Variants in SEZ6L observed in about 807,000 individuals in gnomAD.
SEZ6L encodes seizure 6-like protein.
A neutral mutation model predicts 106.2 loss-of-function variants in SEZ6L; 37 were observed. The observed-to-expected ratio is 0.35, with a 90% CI of 0.27 to 0.46. SEZ6L has a LOEUF of 0.46. Among genes scored for constraint, SEZ6L ranks in the 20% least tolerant of loss-of-function variants. SEZ6L has a pLI of 1.00. For synonymous variants in SEZ6L, 541 were observed against 570.4 expected, an observed-to-expected ratio of 0.95 and a Z score of 0.73; for missense variants, 1,172 against 1,332.8, an observed-to-expected ratio of 0.88 and a Z score of 1.88.
chr22:26,230,622 G>T (rs979220452), intron 1 of SEZ6L, among the ~76,000 whole-genome samples: 1 of 152,194 alleles, frequency 6.6e-6, no homozygotes, highest in Non-Finnish European at 1.5e-5. Context: ...AATCCTTCAG[G>T]GAAACAGACT....
intron 1 of SEZ6L, among the ~76,000 whole-genome samples, chr22:26,177,138 A>G (rs1165897421): frequency 6.6e-6 from 1 of 152,142 alleles, no homozygotes; most frequent in Non-Finnish European, 1.5e-5. Flanking sequence ...TCTGAATTTA[A>G]TTCCTGACTC....
At chr22:26,340,828 A>G (rs1164958283) in intron 10 of SEZ6L, among the ~76,000 whole-genome samples, 196 bp downstream of exon 10, 2 of 152,118 alleles carry the variant, frequency 1.3e-5, no homozygotes, top group African/African-American at 2.4e-5. Context: ...ACGGTCATCG[A>G]TGTCTGTGTG....
chr22:26,253,480 C>T (rs4820672), intron 1 of SEZ6L, among the ~76,000 whole-genome samples: 40,438 of 152,114 alleles, frequency 0.27, 5,741 homozygotes, highest in Admixed American at 0.32. Context: ...CACCTATTTG[C>T]ATTAAAAGTC....
chr22:26,364,662 G>A (rs537578662), intron 12 of SEZ6L: 35 of 152,484 alleles, frequency 2.3e-4, no homozygotes, highest in African/African-American at 7.9e-4. Flanking sequence ...GAGGCCTTTT[G>A]TTGCCAGGCT....
rs189339929 is a variant in SEZ6L, at chr22:26,364,373, C to G, written c.2600-999C>G. 3.1e-3 allele frequency among the ~76,000 whole-genome samples: 458 copies of G among 149,396 alleles called. 1 individual carries two copies. Among genetic ancestry groups the G allele is most frequent in the Non-Finnish European group, 5.5e-3 (373 of 67,760 alleles). On this transcript the variant is annotated intron_variant, in intron 12 of 16. Transcript: ENST00000248933. ...GGCTGTGGCAGGAGAATTGCTTGAG[C>G]CCAGGAGTTTGAGACCAGCTTGGGA...
Position 26,375,569 on chromosome 22 carries a change from G to A in SEZ6L, c.2828-6G>A, listed in dbSNP as rs1240292084. 6.2e-7 allele frequency: 1 copy of A among 1,605,946 alleles called. No individual in the cohort carries two copies. Among genetic ancestry groups the A allele is most frequent in the East Asian group, 2.2e-5 (1 of 44,828 alleles). ...AAATGAGGACCTCACTGGCTCCTGTGTTCAGTAGCAGAAGCGGCAGCAGAG... is the reference window on the plus strand; with the variant it reads ...AAATGAGGACCTCACTGGCTCCTGTATTCAGTAGCAGAAGCGGCAGCAGAG... On this transcript the variant is annotated splice_region_variant and splice_polypyrimidine_tract_variant and intron_variant, in intron 14 of 16. Coordinates refer to ENST00000248933, the MANE Select transcript of SEZ6L (RefSeq NM_021115.5).
chr22:26,263,962 C>A (rs2080097907), intron 1 of SEZ6L, among the ~76,000 whole-genome samples: 1 of 152,232 alleles, frequency 6.6e-6, no homozygotes, highest in South Asian at 2.1e-4. Flanking sequence ...TCTCAAAGCT[C>A]CAGCCAGAAA....
intron 1 of SEZ6L, among the ~76,000 whole-genome samples, chr22:26,213,746 C>A (rs1365434727): frequency 2.0e-5 from 3 of 152,154 alleles, no homozygotes; most frequent in Admixed American, 6.5e-5. Flanking sequence ...CTAAGCAAGA[C>A]CCTGTCTTTA....
chr22:26,378,225 G>A (rs762865322), intron 16 of SEZ6L, among the ~76,000 whole-genome samples: 13 of 152,152 alleles, frequency 8.5e-5, no homozygotes, highest in East Asian at 1.9e-4. Context: ...TGAGCCTACC[G>A]TCTTGTGAAT....
At chr22:26,316,366 G>A (rs2081996784) in intron 9 of SEZ6L, among the ~76,000 whole-genome samples, 1 of 152,186 alleles carries the variant, frequency 6.6e-6, no homozygotes, top group Non-Finnish European at 1.5e-5. Context: ...GAAAAACAGG[G>A]CAGTCCTCAC....
At chr22:26,205,450 T>C (rs925270350) in intron 1 of SEZ6L, among the ~76,000 whole-genome samples, 2 of 152,236 alleles carry the variant, frequency 1.3e-5, no homozygotes, top group Non-Finnish European at 2.9e-5. Flanking sequence ...TTACCTTAAT[T>C]GCTTATCTCA....
chr22:26,346,036 C>G (rs531511805), intron 10 of SEZ6L, among the ~76,000 whole-genome samples: 5 of 139,194 alleles, frequency 3.6e-5, no homozygotes, highest in African/African-American at 8.2e-5. Flanking sequence ...TTTTTTTTTT[C>G]TTTTCTTTTG....
At chr22:26,293,604 G>A (rs2081208920) in intron 2 of SEZ6L, among the ~76,000 whole-genome samples, 1 of 152,180 alleles carries the variant, frequency 6.6e-6, no homozygotes, top group African/African-American at 2.4e-5. Flanking sequence ...TGGGATTACA[G>A]GCATGAGCCA....
At chr22:26,213,377 G>A (rs1466592676) in intron 1 of SEZ6L, among the ~76,000 whole-genome samples, 1 of 152,204 alleles carries the variant, frequency 6.6e-6, no homozygotes, top group Admixed American at 6.5e-5. Flanking sequence ...TTCGCTTTCC[G>A]ACGTGCAGAG....
At chr22:26,239,304 A>G (rs1030570478) in intron 1 of SEZ6L, among the ~76,000 whole-genome samples, 1 of 152,148 alleles carries the variant, frequency 6.6e-6, no homozygotes, top group African/African-American at 2.4e-5. Context: ...CCCTATCCCC[A>G]GCACACACCT....
intron 13 of SEZ6L, among the ~76,000 whole-genome samples, chr22:26,366,198 G>C (rs191063897): frequency 9.2e-5 from 14 of 152,194 alleles, no homozygotes; most frequent in Non-Finnish European, 5.9e-5. Context: ...GCTGGGCGTA[G>C]CGGTGCATGC....
At chr22:26,303,655 T>C (rs1352095246) in intron 5 of SEZ6L, among the ~76,000 whole-genome samples, 2 of 152,244 alleles carry the variant, frequency 1.3e-5, no homozygotes, top group African/African-American at 4.8e-5. Flanking sequence ...TAATCGTGGT[T>C]ATTCAGTAAA....
intron 1 of SEZ6L, among the ~76,000 whole-genome samples, chr22:26,231,946 G>C (rs1341563791): frequency 6.6e-6 from 1 of 152,180 alleles, no homozygotes; most frequent in East Asian, 1.9e-4. Context: ...GGACATGCAA[G>C]TGGAGGGGAA....
At chr22:26,340,721 C>A in intron 10 of SEZ6L, 89 bp downstream of exon 10, 2 of 1,074,976 alleles carry the variant, frequency 1.9e-6, no homozygotes, top group Non-Finnish European at 2.7e-6. Context: ...CAGTTTTGTA[C>A]TACAGCGATT....
Sources: gnomAD v4.1 joint callset for allele counts (sites outside exome capture counted in the v4.1 genomes callset) on GRCh38, gnomAD v4.1.1 for gene constraint, MANE v1.5 for transcripts, NCBI Gene and HGNC (gene_info 2026-07-23, HGNC 2026-07-21) for gene names.